ROBO1: variants seen among roughly 807,000 people sequenced by gnomAD.
ROBO1 encodes roundabout homolog 1.
A neutral mutation model predicts 195.9 loss-of-function variants in ROBO1; 149 were observed. That is an observed-to-expected ratio of 0.76 (90% CI 0.67 to 0.87). The LOEUF is 0.87. ROBO1 is among the 40% of genes least tolerant of loss of function. The pLI is 0.00. For synonymous variants in ROBO1, 816 were observed against 733.2 expected (o/e 1.11, Z -1.82); for missense variants, 1,933 against 2,068.3 (o/e 0.93, Z 1.27).
intron 2 of ROBO1, among the ~76,000 whole-genome samples, chr3:79,345,239 T>G (rs1191222884): frequency 1.3e-5 from 2 of 152,192 alleles, no homozygotes; most frequent in Non-Finnish European, 2.9e-5. Flanking sequence ...GCTTTGGATT[T>G]GGACAGATTG....
chr3:79,142,468 ATTCC>A (rs1245115991), intron 2 of ROBO1, among the ~76,000 whole-genome samples: 1 of 152,138 alleles, frequency 6.6e-6, no homozygotes, highest in African/African-American at 2.4e-5. Flanking sequence ...GCACCAACTA[ATTCC>A]TTCCTTCTGC....
chr3:78,675,735 T>G (rs1312020926), intron 10 of ROBO1, among the ~76,000 whole-genome samples: 1 of 152,108 alleles, frequency 6.6e-6, no homozygotes, highest in Non-Finnish European at 1.5e-5. Flanking sequence ...AGGCTCCACC[T>G]CTGGGGGCAG....
chr3:79,699,718 G>C (rs1947558067), intron 1 of ROBO1, among the ~76,000 whole-genome samples: 1 of 151,552 alleles, frequency 6.6e-6, no homozygotes, highest in South Asian at 2.1e-4. Flanking sequence ...CTACAATACA[G>C]ACATTTTCTA....
intron 2 of ROBO1, among the ~76,000 whole-genome samples, chr3:79,175,281 C>T (rs570997504): frequency 5.8e-4 from 88 of 152,144 alleles, no homozygotes; most frequent in African/African-American, 2.1e-3. Flanking sequence ...CAGTTAGCAC[C>T]TATTTGCAGT....
intron 2 of ROBO1, among the ~76,000 whole-genome samples, chr3:79,535,387 T>G (rs1941818400): frequency 6.6e-6 from 1 of 152,146 alleles, no homozygotes; most frequent in South Asian, 2.1e-4. Context: ...GACACCATTT[T>G]TTAGCATGAG....
intron 2 of ROBO1, among the ~76,000 whole-genome samples, chr3:79,562,845 C>T (rs561746784): frequency 1.5e-3 from 232 of 151,980 alleles, no homozygotes; most frequent in African/African-American, 5.2e-3. Flanking sequence ...ACAAAACCTC[C>T]GGTAAATTCT....
At chr3:79,606,039 T>C (rs952570047) in intron 1 of ROBO1, among the ~76,000 whole-genome samples, 2 of 151,206 alleles carry the variant, frequency 1.3e-5, no homozygotes, top group Admixed American at 6.6e-5. Context: ...TACCCACATA[T>C]ATATATATAT....
At chr3:79,507,769 T>C (rs1940480752) in intron 2 of ROBO1, 1 of 154,528 alleles carries the variant, frequency 6.5e-6, no homozygotes. Flanking sequence ...TCCATGATTT[T>C]GTGGGCTGAA....
chr3:79,502,875 G>C (rs758896921), intron 2 of ROBO1, among the ~76,000 whole-genome samples: 1 of 152,038 alleles, frequency 6.6e-6, no homozygotes, highest in Non-Finnish European at 1.5e-5. Context: ...GAACTTTTGT[G>C]TCTAGCTCAG....
At chr3:79,165,888 C>T (rs564591806) in intron 2 of ROBO1, among the ~76,000 whole-genome samples, 3 of 152,198 alleles carry the variant, frequency 2.0e-5, no homozygotes, top group Admixed American at 1.3e-4. Context: ...GGAATTGTCC[C>T]GGATAATGTG....
intron 29 of ROBO1, 79 bp from the exon 30 acceptor site, chr3:78,600,388 G>A: frequency 1.1e-6 from 1 of 917,218 alleles, no homozygotes; most frequent in Non-Finnish European, 1.7e-6. Context: ...CTGTCTATCT[G>A]TAATTCTGAA....
At chr3:79,126,482 C>T (rs2080217597) in intron 2 of ROBO1, among the ~76,000 whole-genome samples, 1 of 152,122 alleles carries the variant, frequency 6.6e-6, no homozygotes, top group Non-Finnish European at 1.5e-5. Flanking sequence ...CCCTGGTGCA[C>T]ACTCTACCTG....
chr3:78,880,030 A>G (rs892753514), intron 4 of ROBO1, among the ~76,000 whole-genome samples: 1 of 152,160 alleles, frequency 6.6e-6, no homozygotes, highest in African/African-American at 2.4e-5. Context: ...ATAATATGTA[A>G]AATAGAACCT....
At chr3:78,982,723 G>A (rs2077024266) in intron 3 of ROBO1, among the ~76,000 whole-genome samples, 1 of 151,784 alleles carries the variant, frequency 6.6e-6, no homozygotes, top group Admixed American at 6.6e-5. Context: ...CCACCCCCCA[G>A]GTTCAGGAGA....
At chr3:78,764,540 C>T (rs978813408) in intron 4 of ROBO1, among the ~76,000 whole-genome samples, 6 of 152,126 alleles carry the variant, frequency 3.9e-5, no homozygotes, top group Admixed American at 2.6e-4. Context: ...GACCAAGATG[C>T]TTCACTGTGG....
chr3:79,526,423 A>G (rs747988463), intron 2 of ROBO1: 2 of 152,214 alleles, frequency 1.3e-5, no homozygotes, highest in Non-Finnish European at 2.9e-5. Flanking sequence ...ATTGAGTGCA[A>G]TTATTCTTAC....
chr3:78,939,708 T>C (rs1311415015), intron 3 of ROBO1, among the ~76,000 whole-genome samples: 2 of 150,816 alleles, frequency 1.3e-5, no homozygotes, highest in Non-Finnish European at 2.9e-5. Context: ...TGTAGACTTT[T>C]ATATCTTCCT....
intron 2 of ROBO1, among the ~76,000 whole-genome samples, chr3:79,573,084 C>T (rs889453313): frequency 2.0e-5 from 3 of 152,148 alleles, no homozygotes; most frequent in African/African-American, 4.8e-5. Flanking sequence ...GGGTCTTGTT[C>T]TGCCATGCAA....
At chr3:79,011,805 T>G (rs1430692189) in intron 3 of ROBO1, among the ~76,000 whole-genome samples, 1 of 152,058 alleles carries the variant, frequency 6.6e-6, no homozygotes, top group Non-Finnish European at 1.5e-5. Flanking sequence ...TCATTGAAAT[T>G]GTAAGTTAAA....
Sources: gnomAD v4.1 joint callset for allele counts (sites outside exome capture counted in the v4.1 genomes callset) on GRCh38, gnomAD v4.1.1 for gene constraint, MANE v1.5 for transcripts, NCBI Gene and HGNC (gene_info 2026-07-23, HGNC 2026-07-21) for gene names.